THAP6: variants seen among roughly 807,000 people sequenced by gnomAD.
The protein encoded by THAP6 is THAP domain-containing protein 6.
In THAP6, 13 loss-of-function variants were observed where a neutral mutation model predicts 20.0. The ratio of observed to expected loss-of-function variants is 0.65; its 90% confidence interval spans 0.42 to 1.03. The LOEUF (loss-of-function observed/expected upper bound fraction) is 1.03, where lower values mean the gene tolerates loss of function less well. Ranked by LOEUF, THAP6 falls within the 50% of genes least tolerant of loss-of-function variation. The pLI is 0.00. For missense variants in THAP6, 262 were observed against 261.6 expected, an observed-to-expected ratio of 1.00 and a Z score of -0.01; for synonymous variants, 93 against 92.2, an observed-to-expected ratio of 1.01 and a Z score of -0.05.
chr4:75,538,061 G>A (rs1404264909), intron 2 of THAP6, among the ~76,000 whole-genome samples: 1 of 152,214 alleles, frequency 6.6e-6, no homozygotes, highest in South Asian at 2.1e-4. Context: ...AAGCCAAGAA[G>A]TGGGAGCAAC....
At chr4:75,517,149 C>T (rs1409770488) in intron 3 of THAP6, 170 bp downstream of exon 3, 2 of 541,278 alleles carry the variant, frequency 3.7e-6, no homozygotes, top group Admixed American at 6.6e-5. Context: ...TCCCGAGAAG[C>T]TGGGATTACA....
chr4:75,541,758 C>A (rs901675648), intron 2 of THAP6, among the ~76,000 whole-genome samples: 3 of 152,112 alleles, frequency 2.0e-5, no homozygotes, highest in Non-Finnish European at 4.4e-5. Context: ...GAGTTCAAGA[C>A]CAGCCTGGCC....
At chr4:75,532,557 T>TG, downstream of THAP6, among the ~76,000 whole-genome samples, 1 of 152,332 alleles carries the variant, frequency 6.6e-6, no homozygotes, top group South Asian at 2.1e-4. Flanking sequence ...GGACTCTGTG[T>TG]GGGGGTTCCA....
chr4:75,532,991 C>T (rs918816906), downstream of THAP6, among the ~76,000 whole-genome samples: 3 of 152,220 alleles, frequency 2.0e-5, no homozygotes, highest in African/African-American at 7.2e-5. Context: ...TGGGGATTAA[C>T]ATTCAGCTCC....
At chr4:75,532,957 C>G (rs1392113151), downstream of THAP6, among the ~76,000 whole-genome samples, 1 of 152,218 alleles carries the variant, frequency 6.6e-6, no homozygotes, top group African/African-American at 2.4e-5. Flanking sequence ...CTGACATGCC[C>G]TGGAGACATT....
At chr4:75,541,576 AAGAG>A (rs1322108691) in intron 2 of THAP6, among the ~76,000 whole-genome samples, 2 of 152,108 alleles carry the variant, frequency 1.3e-5, no homozygotes, top group South Asian at 2.1e-4. Context: ...ACATGAAAGA[AAGAG>A]AGATGAAGGG....
chr4:75,516,996 C>A lies in THAP6; in HGVS notation c.288+17C>A. On this transcript the variant is annotated intron_variant, in intron 3 of 4. Coordinates refer to ENST00000311638, the MANE Select transcript of THAP6 (RefSeq NM_144721.6). ...CACCTACAGGTTTGTTTATGAGATACTGTTTACCATCATTGCTCACTTTTT... is the reference window on the plus strand; with the variant it reads ...CACCTACAGGTTTGTTTATGAGATAATGTTTACCATCATTGCTCACTTTTT... 6 of 1,357,616 alleles carry A rather than the reference C, an allele frequency of 4.4e-6. No individual in the cohort carries two copies. The highest frequency in any genetic ancestry group is 1.2e-5 in the South Asian group (1 of 81,528). The allele number at this position is 1,357,616 out of a possible 1,614,324, so 84.1% of individuals were successfully genotyped here.
intron 4 of THAP6, among the ~76,000 whole-genome samples, chr4:75,523,847 T>C (rs1056828524): frequency 6.6e-6 from 1 of 150,448 alleles, no homozygotes; most frequent in African/African-American, 2.4e-5. Flanking sequence ...CCCAGACCAA[T>C]GTCCTGGAGA....
Position 75,529,892 on chromosome 4 carries a change from CTG to C in THAP6, c.*2680_*2681del. The C allele has an allele frequency of 2.1e-6, 2 of 969,320 alleles. No homozygotes were observed. Among genetic ancestry groups the C allele is most frequent in the Non-Finnish European group, 2.5e-6 (2 of 815,440 alleles). 60.0% of individuals were successfully genotyped at this position (969,320 alleles called of 1,614,324 possible). On this transcript the variant is annotated 3_prime_UTR_variant, in exon 5 of 5. Coordinates refer to ENST00000311638, the MANE Select transcript of THAP6 (RefSeq NM_144721.6). ...ATGACAATTACAGTTATACCATAGT[CTG>C]TAATTTGAGAAAAGGTGAAATGTAT...
Position 75,521,739 on chromosome 4 carries a change from A to C in THAP6, c.292A>C (p.Lys98Gln), listed in dbSNP as rs1726043789. The stretch of plus-strand genomic sequence containing the variant: ...TATTATTAACTACTCTTAACAGGGG[A>C]AAAGAGAAAAACTTCATTGTAGAAA... ...IFDSPYHLQG[K>Q]REKLHCRKNF... Residue 98 changes from lysine to glutamine, a missense_variant, in exon 4 of 5, where the codon AAA becomes CAA. Physicochemically the swap from Lys to Gln is moderately conservative, Grantham distance 53. Coordinates refer to ENST00000311638, the MANE Select transcript of THAP6 (RefSeq NM_144721.6). 1 of 1,609,754 alleles carries C rather than the reference A, an allele frequency of 6.2e-7. No homozygotes were observed. Among genetic ancestry groups the C allele is most frequent in the African/African-American group, 1.3e-5 (1 of 74,728 alleles).
intron 4 of THAP6, among the ~76,000 whole-genome samples, chr4:75,524,599 G>A (rs1726248373): frequency 6.6e-6 from 1 of 152,058 alleles, no homozygotes; most frequent in African/African-American, 2.4e-5. Context: ...GGGGGCGGGG[G>A]CAGTTGTTTT....
intron 3 of THAP6, among the ~76,000 whole-genome samples, chr4:75,546,169 A>G (rs1021892385): frequency 6.6e-6 from 1 of 152,216 alleles, no homozygotes; most frequent in Non-Finnish European, 1.5e-5. Flanking sequence ...GAAATTCCAA[A>G]CACATGTTCA....
At position 75,527,730 on chromosome 4, in the gene THAP6, T is replaced by G; in HGVS notation, c.*516T>G. ...TACCAAAGGATCTTTTTACAAGGCT[T>G]CCTGTGGTATTGACTCTGAGAATAA... On this transcript the variant is annotated 3_prime_UTR_variant, in exon 5 of 5. Coordinates refer to ENST00000311638, the MANE Select transcript of THAP6 (RefSeq NM_144721.6). The G allele has an allele frequency of 7.1e-6, 7 of 989,482 alleles. No homozygotes were observed. The highest frequency in any genetic ancestry group is 8.4e-6 in the Non-Finnish European group (7 of 832,340). The allele number at this position is 989,482 out of a possible 1,614,324, so 61.3% of individuals were successfully genotyped here.
intron 1 of THAP6, among the ~76,000 whole-genome samples, chr4:75,515,160 G>A (rs536401934): frequency 3.1e-4 from 47 of 152,228 alleles, no homozygotes; most frequent in African/African-American, 1.1e-3. Context: ...AGGCTTTGTG[G>A]CACAAAGAAC....
At position 75,542,438 on chromosome 4, in the gene THAP6, C is replaced by G. The variant is rs1727030143; in HGVS notation, c.195C>G (p.Phe65Leu). ...CCATGTTCAAGAGGAAATGTTTGTT[C>G]AAGGCAAAAAATTATTTCTCAGTAA... Residue 65 changes from phenylalanine to leucine, a missense_variant, in exon 3 of 5, where the codon TTC (phenylalanine) becomes TTG (leucine). By Grantham distance (22) the Phe-to-Leu change is conservative. Coordinates refer to the THAP6 transcript ENST00000502620. The G allele has an allele frequency of 4.3e-6, 3 of 701,806 alleles. No homozygotes were observed. In the African/African-American group the frequency reaches 5.2e-5, roughly 12 times the overall value. The allele number at this position is 701,806 out of a possible 1,614,324, so 43.5% of individuals were successfully genotyped here.
downstream of THAP6, among the ~76,000 whole-genome samples, chr4:75,534,880 GA>G (rs1471443521): frequency 6.6e-6 from 1 of 152,196 alleles, no homozygotes. Flanking sequence ...ACACCAGTTA[GA>G]AGGGCGATCA....
chr4:75,533,908 C>G (rs938768703), downstream of THAP6, among the ~76,000 whole-genome samples: 2 of 151,918 alleles, frequency 1.3e-5, no homozygotes, highest in East Asian at 3.9e-4. Flanking sequence ...CTATCCCTCC[C>G]CCTCCCCCCA....
At chr4:75,535,879 C>T (rs886544980) in intron 2 of THAP6, among the ~76,000 whole-genome samples, 1 of 152,150 alleles carries the variant, frequency 6.6e-6, no homozygotes, top group Non-Finnish European at 1.5e-5. Context: ...TTGCAATCTA[C>T]CTGGGTACCT....
At chr4:75,514,237 T>C (rs368017259), upstream of THAP6, 14 of 1,613,350 alleles carry the variant, frequency 8.7e-6, no homozygotes, top group African/African-American at 2.7e-5. Context: ...GCAGCCCCGC[T>C]GACCTCGCTC....
Sources: allele counts gnomAD v4.1 joint callset (sites outside exome capture counted in the v4.1 genomes callset), GRCh38; gene constraint gnomAD v4.1.1; transcripts MANE v1.5; gene names NCBI Gene and HGNC (gene_info 2026-07-23, HGNC 2026-07-21).